The following GARIN1A variants were observed in gnomAD, a reference collection of about 807,000 sequenced individuals.
The protein encoded by GARIN1A is golgi associated RAB2 interactor 1A.
chr7:128,689,292 C>T, the GARIN1A span, among the ~76,000 whole-genome samples: 18 of 151,974 alleles, frequency 1.2e-4, no homozygotes, highest in East Asian at 5.9e-4. Context: ...CCCCTCTGCC[C>T]GGCTGCCCAG....
At chr7:128,676,467 GTATA>G in the GARIN1A span, among the ~76,000 whole-genome samples, 2 of 94,692 alleles carry the variant, frequency 2.1e-5, no homozygotes, top group African/African-American at 6.3e-5. Context: ...GTGTGTGTGT[GTATA>G]TATAGACACG....
chr7:128,703,130 T>A, the GARIN1A span, among the ~76,000 whole-genome samples: 1 of 152,328 alleles, frequency 6.6e-6, no homozygotes, highest in South Asian at 2.1e-4. Flanking sequence ...AGTAAGTTGA[T>A]AAAATAGGCC....
the GARIN1A span, chr7:128,682,857 G>A: frequency 1.2e-6 from 1 of 828,558 alleles, no homozygotes; most frequent in Non-Finnish European, 1.8e-6. Flanking sequence ...GATTACAGGT[G>A]TGAGCCACTG....
chr7:128,676,232 G>C, the GARIN1A span, among the ~76,000 whole-genome samples: 2 of 151,670 alleles, frequency 1.3e-5, no homozygotes, highest in Non-Finnish European at 2.9e-5. Context: ...GGATGGTCTC[G>C]ATCTCCTGAT....
the GARIN1A span, chr7:128,680,034 G>C: frequency 6.4e-7 from 1 of 1,558,546 alleles, no homozygotes; most frequent in Non-Finnish European, 8.7e-7. Context: ...CATCCAGCCT[G>C]AAAACAGCCT....
chr7:128,701,322 G>T, the GARIN1A span, among the ~76,000 whole-genome samples: 1 of 104,628 alleles, frequency 9.6e-6, no homozygotes, highest in African/African-American at 3.6e-5. Context: ...ACATCTATAG[G>T]GGAGGGGGAG....
At chr7:128,698,518 C>T in the GARIN1A span, among the ~76,000 whole-genome samples, 1 of 152,148 alleles carries the variant, frequency 6.6e-6, no homozygotes, top group East Asian at 1.9e-4. Flanking sequence ...TCTGGGCTGT[C>T]TGTGGGAGGG....
chr7:128,707,216 A>ATGTGTGTGTGTGTGTGTG, the GARIN1A span, among the ~76,000 whole-genome samples: 74 of 47,422 alleles, frequency 1.6e-3, no homozygotes, highest in African/African-American at 5.2e-3. Flanking sequence ...TATTGTGTGT[A>ATGTGTGTGTGTGTGTGTG]TGTATGTGTG....
At chr7:128,695,647 T>G in the GARIN1A span, among the ~76,000 whole-genome samples, 1 of 152,130 alleles carries the variant, frequency 6.6e-6, no homozygotes. This position sits in a 1 kb window ranked among gnomAD's most constrained non-coding sequence, Gnocchi z 4.5. Context: ...TTCAAGTGAT[T>G]CTTATGCCTC....
chr7:128,700,765 G>A, the GARIN1A span, among the ~76,000 whole-genome samples: 2 of 152,102 alleles, frequency 1.3e-5, no homozygotes, highest in African/African-American at 4.8e-5. Flanking sequence ...GAATTTCTCA[G>A]AATTCATGAC....
chr7:128,699,855 T>C, the GARIN1A span, among the ~76,000 whole-genome samples: 1 of 152,380 alleles, frequency 6.6e-6, no homozygotes, highest in Non-Finnish European at 1.5e-5. Context: ...TATGCAGTTC[T>C]GTCAATTTCG....
At chr7:128,698,663 G>C in the GARIN1A span, among the ~76,000 whole-genome samples, 1 of 152,132 alleles carries the variant, frequency 6.6e-6, no homozygotes, top group South Asian at 2.1e-4. Flanking sequence ...GCAGTGGCCC[G>C]ATCTTGGCTC....
chr7:128,677,694 T>A, the GARIN1A span: 10 of 1,613,796 alleles, frequency 6.2e-6, no homozygotes, highest in Non-Finnish European at 8.5e-6. Flanking sequence ...TGTGTTTCAA[T>A]TCTGGGTCCG....
At chr7:128,673,515 G>A in the GARIN1A span, among the ~76,000 whole-genome samples, 1 of 152,324 alleles carries the variant, frequency 6.6e-6, no homozygotes, top group South Asian at 2.1e-4. Context: ...AAGTACCTAA[G>A]GAAAGGCAGG....
the GARIN1A span, among the ~76,000 whole-genome samples, chr7:128,676,424 TGTG>T: frequency 6.8e-6 from 1 of 147,076 alleles, no homozygotes; most frequent in African/African-American, 2.5e-5. Flanking sequence ...TTTCTGTAAA[TGTG>T]TGTGTGTGTG....
the GARIN1A span, chr7:128,675,734 G>A: frequency 6.2e-7 from 1 of 1,613,750 alleles, no homozygotes; most frequent in East Asian, 2.2e-5. Context: ...TGATCCTCGG[G>A]GTCACCTCCT....
At chr7:128,673,138 A>C in the GARIN1A span, among the ~76,000 whole-genome samples, 1 of 152,166 alleles carries the variant, frequency 6.6e-6, no homozygotes, top group African/African-American at 2.4e-5. Context: ...GCCTGAACCC[A>C]TGCTCCTGCG....
the GARIN1A span, chr7:128,675,609 A>G: frequency 3.2e-6 from 5 of 1,539,308 alleles, no homozygotes; most frequent in African/African-American, 5.5e-5. Context: ...GCCACTTTCC[A>G]GCATCTGTAT....
chr7:128,703,776 CAAA>C, the GARIN1A span, among the ~76,000 whole-genome samples: 2 of 143,332 alleles, frequency 1.4e-5, no homozygotes, highest in Non-Finnish European at 1.5e-5. Flanking sequence ...CATCCTGTCT[CAAA>C]AAAAAAAAAA....
Sources: gnomAD v4.1 joint callset for allele counts (sites outside exome capture counted in the v4.1 genomes callset) on GRCh38, gnomAD v4.1.1 for gene constraint, Gnocchi (gnomAD v3.1) non-coding constraint, MANE v1.5 for transcripts, NCBI Gene and HGNC (gene_info 2026-07-23, HGNC 2026-07-21) for gene names.